Variants in PDZD2 observed in about 807,000 individuals in gnomAD.
PDZD2 encodes PDZ domain-containing protein 2.
In PDZD2, 90 loss-of-function variants were observed where a neutral mutation model predicts 220.7. That is an observed-to-expected ratio of 0.41 (90% CI 0.34 to 0.49). The LOEUF (loss-of-function observed/expected upper bound fraction) is 0.49, where lower values mean the gene tolerates loss of function less well. Ranked by LOEUF, PDZD2 falls within the 20% of genes least tolerant of loss-of-function variation. PDZD2 has a pLI of 0.28. For missense variants in PDZD2, 3,174 were observed against 3,608.5 expected, an observed-to-expected ratio of 0.88 and a Z score of 3.08; for synonymous variants, 1,375 against 1,450.5, an observed-to-expected ratio of 0.95 and a Z score of 1.18.
rs190614441 is a variant in PDZD2 at position 31,878,240 on chromosome 5, C to G, written c.476+78516C>G. On this transcript the variant is annotated intron_variant, in intron 2 of 24. Coordinates refer to ENST00000438447, the MANE Select transcript of PDZD2 (RefSeq NM_178140.4). ...AGCAGAGCAAGCCTGGGAGCGCTAT[C>G]CTGGGCCACTTCATCCACTGGAGAT... Among the ~76,000 whole-genome samples the G allele has an allele frequency of 3.3e-5, 5 of 152,242 alleles. No homozygotes were observed. In the East Asian group the frequency reaches 7.7e-4, roughly 24 times the overall value.
intron 1 of PDZD2, among the ~76,000 whole-genome samples, chr5:31,712,778 C>T (rs1255336910): frequency 6.6e-6 from 1 of 152,144 alleles, no homozygotes; most frequent in Non-Finnish European, 1.5e-5. Context: ...GAATTGAAGG[C>T]AGCTGTCTTC....
intron 1 of PDZD2, among the ~76,000 whole-genome samples, chr5:31,707,381 A>G (rs58925393): frequency 0.053 from 8,001 of 152,128 alleles, 270 homozygotes; most frequent in Middle Eastern, 0.12. Context: ...AGGTAGAGAA[A>G]CCAGTGCTTG....
At chr5:31,855,130 C>T in intron 2 of PDZD2, 1 of 984,992 alleles carries the variant, frequency 1.0e-6, no homozygotes, top group Non-Finnish European at 1.2e-6. Context: ...CCCAGGAGCT[C>T]CGGAGAGGAA....
intron 1 of PDZD2, among the ~76,000 whole-genome samples, chr5:31,756,496 A>C (rs77471470): frequency 1.3e-5 from 2 of 152,354 alleles, no homozygotes; most frequent in African/African-American, 4.8e-5. Flanking sequence ...TGGGCCCACA[A>C]GAAGTCCTGT....
chr5:31,849,556 T>C (rs1462863571), intron 2 of PDZD2, among the ~76,000 whole-genome samples: 1 of 151,912 alleles, frequency 6.6e-6, no homozygotes, highest in Non-Finnish European at 1.5e-5. Context: ...TGAAATACAC[T>C]TACCAGGCTG....
intron 6 of PDZD2, among the ~76,000 whole-genome samples, chr5:32,017,293 G>T (rs1488100200): frequency 1.3e-5 from 2 of 152,098 alleles, no homozygotes; most frequent in Non-Finnish European, 2.9e-5. Context: ...AAAAAAATTA[G>T]CCAGGTGTGG....
chr5:31,994,307 C>T (rs901531729), intron 3 of PDZD2, among the ~76,000 whole-genome samples: 1 of 151,524 alleles, frequency 6.6e-6, no homozygotes, highest in African/African-American at 2.4e-5. Flanking sequence ...CACGCCCAGC[C>T]TGTTTTTTGT....
intron 1 of PDZD2, among the ~76,000 whole-genome samples, chr5:31,704,022 C>T (rs1304951234): frequency 6.7e-6 from 1 of 149,158 alleles, no homozygotes; most frequent in African/African-American, 2.5e-5. Flanking sequence ...TTCCTTCTTT[C>T]CTTCCTTTCT....
chr5:31,890,459 C>T (rs961897786), intron 2 of PDZD2, among the ~76,000 whole-genome samples: 2 of 151,998 alleles, frequency 1.3e-5, no homozygotes, highest in South Asian at 2.1e-4. Flanking sequence ...GGTAGAGGGT[C>T]GATTCCCGGT....
At chr5:31,756,459 C>T (rs548796363) in intron 1 of PDZD2, among the ~76,000 whole-genome samples, 233 of 152,286 alleles carry the variant, frequency 1.5e-3, no homozygotes, top group African/African-American at 5.2e-3. Flanking sequence ...GGCAAGACCT[C>T]CTAGCAGCAC....
intron 6 of PDZD2, among the ~76,000 whole-genome samples, chr5:32,027,164 A>G (rs1388831076): frequency 6.6e-6 from 1 of 152,098 alleles, no homozygotes; most frequent in Non-Finnish European, 1.5e-5. Context: ...TCGGCCTCCC[A>G]AAGTGCTGGA....
At chr5:31,810,487 G>C (rs1016130667) in intron 2 of PDZD2, among the ~76,000 whole-genome samples, 9 of 152,044 alleles carry the variant, frequency 5.9e-5, no homozygotes, top group Admixed American at 5.9e-4. Flanking sequence ...GGATGGTCTG[G>C]ATCTCCTGAC....
At chr5:32,010,683 T>G (rs1002330244) in intron 6 of PDZD2, 1 of 640,276 alleles carries the variant, frequency 1.6e-6, no homozygotes, top group African/African-American at 1.8e-5. Flanking sequence ...GGAAAAAAAA[T>G]GAAATGGTAA....
rs368198419 is a variant in PDZD2 at position 31,865,195 on chromosome 5, TTA to T, written c.476+65473_476+65474del. On this transcript the variant is annotated intron_variant, in intron 2 of 24. Transcript: ENST00000438447. The stretch of plus-strand genomic sequence containing the variant: ...GTCTATTCTGTCCTTTTCCAATAGA[TTA>T]TGAGTCCTGGGGGAGGAGGAAAATG... 1.8e-4 allele frequency among the ~76,000 whole-genome samples: 27 copies of T among 152,212 alleles called. 1 individual carries two copies. In the South Asian group the frequency reaches 5.0e-3, roughly 28 times the overall value.
At chr5:31,975,407 C>CT (rs1292799932) in intron 2 of PDZD2, among the ~76,000 whole-genome samples, 2 of 152,288 alleles carry the variant, frequency 1.3e-5, no homozygotes, top group Admixed American at 6.5e-5. Context: ...GATTCAGTTA[C>CT]CTCCCACCAG....
intron 2 of PDZD2, among the ~76,000 whole-genome samples, chr5:31,844,919 G>A (rs1379991760): frequency 6.6e-6 from 1 of 152,206 alleles, no homozygotes; most frequent in Non-Finnish European, 1.5e-5. Context: ...ATAGGTCAAA[G>A]CAGAAGACCT....
chr5:32,073,837 A>C lies in PDZD2; in HGVS notation c.2731A>C (p.Lys911Gln), dbSNP rs1307170711. Residue 911 changes from lysine (K) to glutamine (Q), a missense_variant, in exon 18 of 25, where the codon AAG becomes CAG. By Grantham distance (53) the Lys-to-Gln change is moderately conservative. This residue lies in a region of PDZD2 where 1,861 missense variants were observed against 2,001.0 expected (regional missense o/e 0.93). Coordinates refer to ENST00000438447, the MANE Select transcript of PDZD2 (RefSeq NM_178140.4). ...GSLPPSTSTH[K>Q]EPGKPRANSL... ...TCTGTCCCCACCTCCACCAGCTCAC[A>C]AGGAGCCTGGAAAACCCAGAGCCAA... The C allele has an allele frequency of 3.7e-6, 6 of 1,605,186 alleles. No homozygotes were observed. Among genetic ancestry groups the C allele is most frequent in the Non-Finnish European group, 5.1e-6 (6 of 1,176,422 alleles).
intron 14 of PDZD2, among the ~76,000 whole-genome samples, chr5:32,067,436 G>A (rs564674157): frequency 1.2e-4 from 18 of 152,288 alleles, no homozygotes; most frequent in Middle Eastern, 3.4e-3. Context: ...CTATGTGGAG[G>A]GGGGTGTGTG....
At position 31,908,520 on chromosome 5, in the gene PDZD2, C is replaced by A. The variant is rs551554429; in HGVS notation, c.477-74635C>A. On this transcript the variant is annotated intron_variant, in intron 2 of 24. Coordinates refer to ENST00000438447, the MANE Select transcript of PDZD2 (RefSeq NM_178140.4). ...TTGGTGGAAATGCCTCCGCTGAAGGCCCCGAGGGCGAGGGCACGGAAAGCA... is the reference window on the plus strand; with the variant it reads ...TTGGTGGAAATGCCTCCGCTGAAGGACCCGAGGGCGAGGGCACGGAAAGCA... 1,376 of 1,083,876 alleles carry A rather than the reference C, an allele frequency of 1.3e-3. 11 individuals carry two copies. Among genetic ancestry groups the A allele is most frequent in the Non-Finnish European group, 1.1e-4 (83 of 746,998 alleles). The allele number at this position is 1,083,876 out of a possible 1,614,324, so 67.1% of individuals were successfully genotyped here.
Sources: allele counts gnomAD v4.1 joint callset (sites outside exome capture counted in the v4.1 genomes callset), GRCh38; gene constraint gnomAD v4.1.1; regional missense constraint gnomAD v4.1.1; transcripts MANE v1.5; gene names NCBI Gene and HGNC (gene_info 2026-07-23, HGNC 2026-07-21).